Variants in FAT3 observed in about 807,000 individuals in gnomAD.
The protein encoded by FAT3 is FAT atypical cadherin 3.
FAT3 carries 95 observed loss-of-function variants against 310.2 expected under a neutral mutation model. The ratio of observed to expected loss-of-function variants is 0.31; its 90% CI spans 0.26 to 0.36. FAT3 has a LOEUF of 0.36. Among genes scored for constraint, FAT3 ranks in the 10% least tolerant of loss-of-function variants. FAT3 has a pLI of 1.00. For synonymous variants in FAT3, 2,314 were observed against 2,192.9 expected, an observed-to-expected ratio of 1.06 and a Z score of -1.54; for missense variants, 5,408 against 5,715.6, an observed-to-expected ratio of 0.95 and a Z score of 1.74.
At chr11:92,312,401 T>A (rs1222761995) in intron 1 of FAT3, among the ~76,000 whole-genome samples, 1 of 152,218 alleles carries the variant, frequency 6.6e-6, no homozygotes, top group African/African-American at 2.4e-5. Flanking sequence ...CCTCTATTCT[T>A]CCTACATGTA....
chr11:92,857,898 TTTAAG>T (rs1949022739), intron 20 of FAT3, among the ~76,000 whole-genome samples: 1 of 152,184 alleles, frequency 6.6e-6, no homozygotes, highest in Non-Finnish European at 1.5e-5. Context: ...AAAATCAGTA[TTTAAG>T]TTATTTTAAT....
At chr11:92,756,351 T>C (rs1945990846) in intron 4 of FAT3, among the ~76,000 whole-genome samples, 1 of 152,232 alleles carries the variant, frequency 6.6e-6, no homozygotes, top group African/African-American at 2.4e-5. Context: ...GTGATTGATC[T>C]CTGTCTCACA....
chr11:92,510,262 A>G (rs1228407825), intron 2 of FAT3, among the ~76,000 whole-genome samples: 1 of 152,110 alleles, frequency 6.6e-6, no homozygotes, highest in East Asian at 1.9e-4. Flanking sequence ...ACTTCATTTC[A>G]TATATTCTCT....
rs746696427 is a variant in FAT3, at chr11:92,355,049, T to C, written c.2937T>C (p.Tyr979=). ...GQVRYSLVND[Y]NGRFEIDKAS... is the part of the protein sequence containing the mutation. ...TGCGCTATTCTTTGGTCAATGACTA[T>C]AATGGGAGATTTGAAATAGATAAAG... Residue 979 remains tyrosine, a synonymous_variant, in exon 2 of 28, where the codon TAT becomes TAC. Transcript: ENST00000525166. The C allele has an allele frequency of 2.7e-5, 43 of 1,613,676 alleles. No homozygotes were observed. The highest frequency in any genetic ancestry group is 3.5e-5 in the Non-Finnish European group (41 of 1,179,860).
At chr11:92,832,516 C>A (rs1054407048) in intron 14 of FAT3, among the ~76,000 whole-genome samples, 3 of 151,944 alleles carry the variant, frequency 2.0e-5, no homozygotes, top group Non-Finnish European at 4.4e-5. Flanking sequence ...AAAGATGGCT[C>A]CTGCTAAATT....
chr11:92,861,941 A>G (rs576479744), intron 21 of FAT3, among the ~76,000 whole-genome samples: 36 of 152,342 alleles, frequency 2.4e-4, no homozygotes, highest in African/African-American at 8.2e-4. Context: ...AGACAATTAA[A>G]GAATTGCACA....
intron 1 of FAT3, among the ~76,000 whole-genome samples, chr11:92,316,309 C>T (rs1391054710): frequency 6.6e-6 from 1 of 152,128 alleles, no homozygotes; most frequent in African/African-American, 2.4e-5. Context: ...GATTTCAGTA[C>T]TCAGACGCAA....
At chr11:92,683,855 C>T (rs1565510872) in intron 3 of FAT3, among the ~76,000 whole-genome samples, 1 of 152,134 alleles carries the variant, frequency 6.6e-6, no homozygotes, top group East Asian at 1.9e-4. Flanking sequence ...ACTAGCTAGT[C>T]CCAGATTTTC....
intron 3 of FAT3, among the ~76,000 whole-genome samples, chr11:92,607,532 A>G (rs535877085): frequency 6.6e-6 from 1 of 152,254 alleles, no homozygotes; most frequent in East Asian, 1.9e-4. Flanking sequence ...TTTAAAGCAA[A>G]TGTTTGGCAG....
chr11:92,490,161 CT>C (rs1333528346), intron 2 of FAT3, among the ~76,000 whole-genome samples: 1 of 152,040 alleles, frequency 6.6e-6, no homozygotes, highest in Non-Finnish European at 1.5e-5. Flanking sequence ...AGAAATAGCT[CT>C]TTTTTATGTC....
At chr11:92,358,240 C>T (rs1329781957) in intron 2 of FAT3, among the ~76,000 whole-genome samples, 2 of 152,010 alleles carry the variant, frequency 1.3e-5, no homozygotes, top group Non-Finnish European at 2.9e-5. Context: ...ATGCCACTTA[C>T]ATTTTGACAT....
chr11:92,700,588 C>T (rs898994489), intron 4 of FAT3, among the ~76,000 whole-genome samples: 10 of 152,110 alleles, frequency 6.6e-5, no homozygotes, highest in African/African-American at 2.4e-4. Flanking sequence ...ATGATTTCAG[C>T]TAGCAACAGC....
At chr11:92,272,982 T>C (rs1946168075) in intron 1 of FAT3, among the ~76,000 whole-genome samples, 1 of 152,150 alleles carries the variant, frequency 6.6e-6, no homozygotes, top group African/African-American at 2.4e-5. Context: ...TGGAGGACTA[T>C]GTTTTTTCAT....
chr11:92,806,578 T>C (rs754564297), intron 12 of FAT3, 63 bp downstream of exon 12: 290 of 1,399,680 alleles, frequency 2.1e-4, no homozygotes, highest in Non-Finnish European at 2.5e-4. Context: ...GTTAAACTTA[T>C]GTGGTCTCAT....
At chr11:92,282,519 G>A (rs1204471820) in intron 1 of FAT3, among the ~76,000 whole-genome samples, 1 of 152,008 alleles carries the variant, frequency 6.6e-6, no homozygotes, top group Non-Finnish European at 1.5e-5. Flanking sequence ...TACAAAATCA[G>A]CTGGGTGTGG....
chr11:92,343,600 T>C (rs1193684120), intron 1 of FAT3, among the ~76,000 whole-genome samples: 4 of 152,224 alleles, frequency 2.6e-5, no homozygotes, highest in Non-Finnish European at 5.9e-5. Flanking sequence ...CTTCTCTTCG[T>C]GTTAGACCTT....
At chr11:92,842,539 C>T (rs909637547) in intron 18 of FAT3, among the ~76,000 whole-genome samples, 1 of 152,206 alleles carries the variant, frequency 6.6e-6, no homozygotes, top group Non-Finnish European at 1.5e-5. Flanking sequence ...CTCTTGTTCA[C>T]ATCATCCATC....
chr11:92,358,766 T>TA (rs1322849222), intron 2 of FAT3, among the ~76,000 whole-genome samples: 1 of 152,156 alleles, frequency 6.6e-6, no homozygotes, highest in Non-Finnish European at 1.5e-5. Flanking sequence ...ACTGAATTTT[T>TA]ACTACTGTTG....
chr11:92,737,573 C>A (rs142879126), intron 4 of FAT3, among the ~76,000 whole-genome samples: 1 of 151,490 alleles, frequency 6.6e-6, no homozygotes, highest in Non-Finnish European at 1.5e-5. Context: ...AATGTTTATT[C>A]ATAAAGAAAC....
Sources: allele counts gnomAD v4.1 joint callset (sites outside exome capture counted in the v4.1 genomes callset), GRCh38; gene constraint gnomAD v4.1.1; transcripts MANE v1.5; gene names NCBI Gene and HGNC (gene_info 2026-07-23, HGNC 2026-07-21).